AGBL4: variants seen among roughly 807,000 people sequenced by gnomAD.
AGBL4 encodes AGBL carboxypeptidase 4, also known as cytosolic carboxypeptidase 6.
Under a neutral mutation model 66.4 loss-of-function variants are expected in AGBL4, and 58 were observed. The ratio of observed to expected loss-of-function variants is 0.87; its 90% CI spans 0.71 to 1.09. The LOEUF (loss-of-function observed/expected upper bound fraction) is 1.09. AGBL4 is among the 50% of genes least tolerant of loss of function. The pLI, the probability that AGBL4 is intolerant of heterozygous loss-of-function variation, is 0.00. For missense variants in AGBL4, 579 were observed against 631.0 expected (o/e 0.92, Z 0.88); for synonymous variants, 234 against 222.9 (o/e 1.05, Z -0.44).
At chr1:48,546,859 A>AC (rs1491197421) in intron 11 of AGBL4, among the ~76,000 whole-genome samples, 2 of 81,588 alleles carry the variant, frequency 2.5e-5, no homozygotes, top group Non-Finnish European at 5.2e-5. Flanking sequence ...GTAGTAAAAC[A>AC]AACAAACACA....
intron 9 of AGBL4, among the ~76,000 whole-genome samples, chr1:48,593,779 ATAATAAATTC>A: frequency 6.6e-6 from 1 of 152,278 alleles, no homozygotes; most frequent in African/African-American, 2.4e-5. Context: ...ATAAAATAAA[ATAATAAATTC>A]CTAGAAGTGA....
intron 5 of AGBL4, among the ~76,000 whole-genome samples, chr1:48,928,287 C>A (rs2148899878): frequency 6.6e-6 from 1 of 152,272 alleles, no homozygotes; most frequent in South Asian, 2.1e-4. Flanking sequence ...TCCGCACTTA[C>A]AGGGGTTTGA....
intron 2 of AGBL4, among the ~76,000 whole-genome samples, chr1:49,730,579 G>A (rs1332343330): frequency 3.3e-5 from 5 of 152,166 alleles, no homozygotes; most frequent in Non-Finnish European, 5.9e-5. Flanking sequence ...GGGCTCTGCA[G>A]TTGCTGGTAT....
chr1:48,530,136 A>G (rs1643897749), downstream of AGBL4, among the ~76,000 whole-genome samples: 1 of 152,172 alleles, frequency 6.6e-6, no homozygotes, highest in South Asian at 2.1e-4. Context: ...AAGGCCCAGC[A>G]CAAAGTAGTG....
chr1:48,601,434 C>A (rs1181446732), intron 9 of AGBL4, among the ~76,000 whole-genome samples: 1 of 152,170 alleles, frequency 6.6e-6, no homozygotes, highest in East Asian at 1.9e-4. Context: ...TATGGACCTC[C>A]TGGAGCTCAA....
chr1:50,001,007 A>AC (rs1156699722), intron 1 of AGBL4, among the ~76,000 whole-genome samples: 1 of 151,774 alleles, frequency 6.6e-6, no homozygotes, highest in Non-Finnish European at 1.5e-5. Flanking sequence ...ACCACGACTA[A>AC]AAAAAATAAA....
At chr1:49,318,482 A>C (rs977645655) in intron 3 of AGBL4, among the ~76,000 whole-genome samples, 3 of 151,964 alleles carry the variant, frequency 2.0e-5, no homozygotes, top group Non-Finnish European at 2.9e-5. Flanking sequence ...CACTATTCTA[A>C]ACACTTTATA....
intron 1 of AGBL4, among the ~76,000 whole-genome samples, chr1:49,935,556 C>T (rs1474591697): frequency 6.6e-6 from 1 of 152,178 alleles, no homozygotes; most frequent in African/African-American, 2.4e-5. Context: ...AACCCCTGAC[C>T]CCTGAGCAGC....
chr1:49,864,535 A>G (rs1469689809), intron 1 of AGBL4, among the ~76,000 whole-genome samples: 1 of 152,040 alleles, frequency 6.6e-6, no homozygotes, highest in Non-Finnish European at 1.5e-5. Context: ...AGAGTGAGGA[A>G]AAGCAGAGCA....
At chr1:49,965,116 A>G (rs565609901) in intron 1 of AGBL4, among the ~76,000 whole-genome samples, 3 of 152,202 alleles carry the variant, frequency 2.0e-5, no homozygotes, top group South Asian at 2.1e-4. Context: ...TTATTACATT[A>G]TTCTCAGACT....
chr1:49,178,141 C>G (rs1362531775), intron 4 of AGBL4, among the ~76,000 whole-genome samples: 3 of 152,130 alleles, frequency 2.0e-5, no homozygotes, highest in Admixed American at 6.5e-5. Context: ...AGCTGGAATC[C>G]TAATTCTTTC....
At chr1:49,596,014 T>C (rs77009066) in intron 3 of AGBL4, among the ~76,000 whole-genome samples, 8,128 of 152,164 alleles carry the variant, frequency 0.053, 242 homozygotes, top group African/African-American at 0.071. Flanking sequence ...CTCTAGCTTG[T>C]ACGTTATTGT....
chr1:49,661,006 C>A (rs1646259313), intron 3 of AGBL4, among the ~76,000 whole-genome samples: 1 of 151,922 alleles, frequency 6.6e-6, no homozygotes, highest in African/African-American at 2.4e-5. Context: ...GCATGCTGGG[C>A]TAAATACCTA....
chr1:48,764,817 A>G (rs1460647840), intron 6 of AGBL4, among the ~76,000 whole-genome samples: 1 of 152,212 alleles, frequency 6.6e-6, no homozygotes, highest in Admixed American at 6.5e-5. Flanking sequence ...TGAAAACAAT[A>G]GAGCCCCGTG....
chr1:48,775,621 T>A (rs370080790), intron 6 of AGBL4, among the ~76,000 whole-genome samples: 1 of 152,290 alleles, frequency 6.6e-6, no homozygotes, highest in East Asian at 1.9e-4. Flanking sequence ...TTGTCTAGAC[T>A]CAAACTTTCT....
intron 4 of AGBL4, among the ~76,000 whole-genome samples, chr1:49,209,962 A>G (rs1429033918): frequency 6.6e-6 from 1 of 152,110 alleles, no homozygotes; most frequent in East Asian, 1.9e-4. Context: ...CATCTCCAGG[A>G]CATAAAATAT....
chr1:48,601,349 G>A, intron 9 of AGBL4, among the ~76,000 whole-genome samples: 1 of 152,192 alleles, frequency 6.6e-6, no homozygotes, highest in East Asian at 1.9e-4. Context: ...ATGTGTGACA[G>A]CTTATACACT....
intron 1 of AGBL4, among the ~76,000 whole-genome samples, chr1:49,997,373 G>T (rs1206178991): frequency 6.6e-6 from 1 of 152,114 alleles, no homozygotes; most frequent in Non-Finnish European, 1.5e-5. Flanking sequence ...CATATTCCTT[G>T]CAAATGGACA....
At chr1:48,728,996 G>C (rs1647657365) in intron 6 of AGBL4, among the ~76,000 whole-genome samples, 1 of 152,194 alleles carries the variant, frequency 6.6e-6, no homozygotes, top group Non-Finnish European at 1.5e-5. Context: ...GCCAGCTCCA[G>C]ACAAGGTCTG....
Sources: gnomAD v4.1 joint callset for allele counts (sites outside exome capture counted in the v4.1 genomes callset) on GRCh38, gnomAD v4.1.1 for gene constraint, MANE v1.5 for transcripts, NCBI Gene and HGNC (gene_info 2026-07-23, HGNC 2026-07-21) for gene names.